Variants in DGKI observed in about 807,000 individuals in gnomAD.
The protein encoded by DGKI is diacylglycerol kinase iota.
DGKI carries 55 observed loss-of-function variants against 147.5 expected under a neutral mutation model. That is an observed-to-expected ratio of 0.37 (90% CI 0.30 to 0.47). The LOEUF (loss-of-function observed/expected upper bound fraction) is 0.47, where lower values mean the gene tolerates loss of function less well. DGKI is among the 20% of genes least tolerant of loss of function. The pLI is 1.00. For synonymous variants in DGKI, 469 were observed against 477.1 expected (o/e 0.98, Z 0.22); for missense variants, 1,007 against 1,323.8 (o/e 0.76, Z 3.71).
chr7:137,675,383 C>T lies in DGKI; in HGVS notation c.606+3174G>A, dbSNP rs184647648. ...CTGCATCAGAATTATTTGAGGTGCT[C>T]GTTAAAATCACAGACTCCCAGCCAG... On this transcript the variant is annotated intron_variant, in intron 3 of 32. Coordinates refer to ENST00000614521, the MANE Select transcript of DGKI (RefSeq NM_001321708.2). Among the ~76,000 whole-genome samples, 590 of 152,212 alleles carry T rather than the reference C, an allele frequency of 3.9e-3. 4 individuals are homozygous for T. Among genetic ancestry groups the T allele is most frequent in the Admixed American group, 9.2e-3 (141 of 15,284 alleles).
Position 137,384,382 on chromosome 7 carries a change from G to A in DGKI, c.*6838C>T, listed in dbSNP as rs1255685446. The A allele has an allele frequency of 6.3e-5, 9 of 143,256 alleles. No homozygotes were observed. The highest frequency in any genetic ancestry group is 3.7e-4 in the Admixed American group (5 of 13,396). 8.9% of individuals were successfully genotyped at this position (143,256 alleles called of 1,614,324 possible). A position where few individuals can be genotyped will look rare whatever the true frequency, so the allele number is the denominator to read the frequency against. On this transcript the variant is annotated 3_prime_UTR_variant, in exon 33 of 33. Coordinates refer to ENST00000614521, the MANE Select transcript of DGKI (RefSeq NM_001321708.2). ...CCCTTATTTCTAACTCATTCTTTCC[G>A]TGGAAACTTAGGTAAACATTTTTTT... is the stretch of plus-strand genomic sequence containing the variant.
chr7:137,765,529 T>C (rs1316795244), intron 1 of DGKI, among the ~76,000 whole-genome samples: 1 of 152,230 alleles, frequency 6.6e-6, no homozygotes, highest in Non-Finnish European at 1.5e-5. Context: ...GTCCAAGATC[T>C]GAGAATTTTA....
intron 1 of DGKI, among the ~76,000 whole-genome samples, chr7:137,709,766 C>T (rs73460673): frequency 0.037 from 5,662 of 151,596 alleles, 363 homozygotes; most frequent in African/African-American, 0.13. Context: ...AGCAAAAACT[C>T]CAGAAAACTG....
At chr7:137,512,053 TAAAACCCTTGTACAC>T (rs1237684673) in intron 21 of DGKI, among the ~76,000 whole-genome samples, 2 of 152,162 alleles carry the variant, frequency 1.3e-5, no homozygotes, top group African/African-American at 4.8e-5. Flanking sequence ...AAATCCTCAA[TAAAACCCTTGTACAC>T]AAAACTCAGT....
chr7:137,427,831 C>T (rs1812885272), intron 28 of DGKI, among the ~76,000 whole-genome samples: 1 of 152,190 alleles, frequency 6.6e-6, no homozygotes, highest in African/African-American at 2.4e-5. Context: ...GACACATACA[C>T]CCTCCCAAGA....
At chr7:137,551,401 G>A (rs914717582) in intron 20 of DGKI, among the ~76,000 whole-genome samples, 2 of 152,104 alleles carry the variant, frequency 1.3e-5, no homozygotes, top group African/African-American at 2.4e-5. Context: ...GGCAAAGCAC[G>A]CCCTTGCTTT....
chr7:137,651,244 G>A (rs1431638769), intron 5 of DGKI, among the ~76,000 whole-genome samples: 1 of 152,190 alleles, frequency 6.6e-6, no homozygotes, highest in Non-Finnish European at 1.5e-5. Flanking sequence ...GAATCATGAA[G>A]CTATTACATT....
At chr7:137,718,134 G>A (rs1794435949) in intron 1 of DGKI, among the ~76,000 whole-genome samples, 1 of 152,160 alleles carries the variant, frequency 6.6e-6, no homozygotes, top group South Asian at 2.1e-4. Flanking sequence ...TGGGCTGGAT[G>A]GCTTGTGAGC....
At chr7:137,454,986 C>A (rs890454648) in intron 27 of DGKI, 1 of 152,054 alleles carries the variant, frequency 6.6e-6, no homozygotes. Flanking sequence ...GGCTTATAAG[C>A]AAGGCACCTC....
intron 31 of DGKI, among the ~76,000 whole-genome samples, chr7:137,396,137 T>G (rs1413335721): frequency 2.0e-5 from 3 of 152,218 alleles, no homozygotes; most frequent in Non-Finnish European, 4.4e-5. Flanking sequence ...ACGCAGCCCT[T>G]GGTTGATGGC....
chr7:137,708,822 G>A (rs1007505496), intron 1 of DGKI, among the ~76,000 whole-genome samples: 2 of 152,214 alleles, frequency 1.3e-5, no homozygotes, highest in African/African-American at 4.8e-5. Flanking sequence ...TGTTGATAGG[G>A]AAAGGCTACT....
At chr7:137,535,891 C>T (rs1407331149) in intron 20 of DGKI, among the ~76,000 whole-genome samples, 1 of 152,106 alleles carries the variant, frequency 6.6e-6, no homozygotes, top group Non-Finnish European at 1.5e-5. Context: ...GCCTGTTTCT[C>T]AGTTCAAATG....
chr7:137,788,380 C>A (rs1796736978), intron 1 of DGKI, among the ~76,000 whole-genome samples: 1 of 152,110 alleles, frequency 6.6e-6, no homozygotes, highest in African/African-American at 2.4e-5. Context: ...CCCTTCCCTT[C>A]CCTTCACTGT....
chr7:137,586,020 A>G (rs1325641240), intron 13 of DGKI, among the ~76,000 whole-genome samples: 3 of 152,172 alleles, frequency 2.0e-5, no homozygotes, highest in Non-Finnish European at 4.4e-5. Context: ...GCCTACTTTA[A>G]AAAAAGACCT....
chr7:137,576,641 T>C (rs1818988578), intron 17 of DGKI, among the ~76,000 whole-genome samples: 1 of 152,154 alleles, frequency 6.6e-6, no homozygotes, highest in African/African-American at 2.4e-5. Context: ...CAACCTGATA[T>C]AGAGACCCAG....
At chr7:137,449,413 G>T (rs1037091217) in intron 27 of DGKI, among the ~76,000 whole-genome samples, 2 of 152,184 alleles carry the variant, frequency 1.3e-5, no homozygotes, top group African/African-American at 4.8e-5. Flanking sequence ...AATAAATAGT[G>T]TTGGGAAAAG....
rs35613517 is a variant in DGKI, at chr7:137,448,300, CAA to C, written c.2736-4200_2736-4199del. On this transcript the variant is annotated intron_variant, in intron 27 of 32. Coordinates refer to ENST00000614521, the MANE Select transcript of DGKI (RefSeq NM_001321708.2). ...GACCATCCATCCCAAACTAGAAGCT[CAA>C]AAAAAAAAAAAAAAAAACTCACCCA... Among the ~76,000 whole-genome samples, 392 of 79,938 alleles carry C rather than the reference CAA, an allele frequency of 4.9e-3. 4 individuals are homozygous for C. The highest frequency in any genetic ancestry group is 0.011 in the South Asian group (23 of 2,142). 52.4% of individuals were successfully genotyped at this position (79,938 alleles called of 152,430 possible).
intron 21 of DGKI, among the ~76,000 whole-genome samples, chr7:137,495,126 A>C (rs1198129775): frequency 5.9e-5 from 9 of 152,236 alleles, no homozygotes; most frequent in Admixed American, 5.9e-4. Flanking sequence ...TTCTGACCCC[A>C]CAGAAATATA....
intron 27 of DGKI, among the ~76,000 whole-genome samples, chr7:137,452,049 ACT>A (rs1271379486): frequency 6.6e-6 from 1 of 152,170 alleles, no homozygotes; most frequent in East Asian, 1.9e-4. Context: ...TCTATATGGG[ACT>A]CTTACTTTCT....
Sources: gnomAD v4.1 joint callset for allele counts (sites outside exome capture counted in the v4.1 genomes callset) on GRCh38, gnomAD v4.1.1 for gene constraint, MANE v1.5 for transcripts, NCBI Gene and HGNC (gene_info 2026-07-23, HGNC 2026-07-21) for gene names.